Variants in CTNNA3 observed in about 807,000 individuals in gnomAD.
The protein encoded by CTNNA3 is catenin alpha 3.
In CTNNA3, 76 loss-of-function variants were observed where a neutral mutation model predicts 95.7. The observed-to-expected ratio is 0.79, with a 90% confidence interval of 0.66 to 0.96. CTNNA3 has a LOEUF of 0.96. Among genes scored for constraint, CTNNA3 ranks in the 40% least tolerant of loss-of-function variants. The pLI, the probability that CTNNA3 is intolerant of heterozygous loss-of-function variation, is 0.00. For missense variants in CTNNA3, 1,191 were observed against 1,089.8 expected (o/e 1.09, Z -1.31); for synonymous variants, 431 against 374.4 (o/e 1.15, Z -1.74).
At chr10:66,773,218 C>T (rs1474368714) in intron 8 of CTNNA3, among the ~76,000 whole-genome samples, 1 of 152,136 alleles carries the variant, frequency 6.6e-6, no homozygotes. Context: ...TCTAACAATT[C>T]CATCCATTCC....
chr10:66,971,350 C>T lies in CTNNA3; in HGVS notation c.1048-195826G>A, dbSNP rs182117239. ...CTGAGGCAGAAGAATCGCTTGAACC[C>T]GGGAGGCGGAGGTTGCAGTGAGCCG... is the stretch of plus-strand genomic sequence containing the variant. On this transcript the variant is annotated intron_variant, in intron 7 of 17. Coordinates refer to ENST00000433211, the MANE Select transcript of CTNNA3 (RefSeq NM_013266.4). Among the ~76,000 whole-genome samples the T allele has an allele frequency of 1.7e-3, 263 of 152,110 alleles. 2 individuals carry two copies. The highest frequency in any genetic ancestry group is 5.4e-3 in the East Asian group (28 of 5,148).
At chr10:66,079,932 T>C (rs2080689692) in intron 14 of CTNNA3, among the ~76,000 whole-genome samples, 1 of 152,068 alleles carries the variant, frequency 6.6e-6, no homozygotes, top group Admixed American at 6.6e-5. Flanking sequence ...TTTACTAGGT[T>C]TTTAAAAAGG....
intron 13 of CTNNA3, among the ~76,000 whole-genome samples, chr10:66,126,924 C>G (rs1348414064): frequency 6.6e-6 from 1 of 152,060 alleles, no homozygotes; most frequent in Non-Finnish European, 1.5e-5. Context: ...ATAACTTCCA[C>G]TCCTTAACTG....
intron 1 of CTNNA3, among the ~76,000 whole-genome samples, chr10:67,727,395 TATA>T (rs1354038378): frequency 1.5e-5 from 2 of 133,092 alleles, no homozygotes; most frequent in African/African-American, 5.5e-5. Flanking sequence ...ATTATAATTA[TATA>T]ATATGATACG....
chr10:67,244,475 T>C (rs2132339941), intron 5 of CTNNA3, among the ~76,000 whole-genome samples: 1 of 152,306 alleles, frequency 6.6e-6, no homozygotes, highest in Non-Finnish European at 1.5e-5. Flanking sequence ...AGGTTGATAA[T>C]CTTGCTAAAT....
At position 66,677,221 on chromosome 10, in the gene CTNNA3, A is replaced by T. The variant is rs1476419587; in HGVS notation, c.1282-55437T>A. Among the ~76,000 whole-genome samples, 2 of 151,926 alleles carry T rather than the reference A, an allele frequency of 1.3e-5. 1 individual carries two copies. Among genetic ancestry groups the T allele is most frequent in the Non-Finnish European group, 2.9e-5 (2 of 67,980 alleles). On this transcript the variant is annotated intron_variant, in intron 9 of 17. Coordinates refer to ENST00000433211, the MANE Select transcript of CTNNA3 (RefSeq NM_013266.4). ...TCTGGCAGGAAACTCAAATTATAGG[A>T]GAAATTGTTCAGCATATTATTTAAG... is the stretch of plus-strand genomic sequence containing the variant.
chr10:66,691,114 A>C (rs1022963734), intron 9 of CTNNA3, among the ~76,000 whole-genome samples: 2 of 152,168 alleles, frequency 1.3e-5, no homozygotes, highest in Non-Finnish European at 2.9e-5. Context: ...GACGCAGGAC[A>C]GTGGGTGCAG....
At chr10:66,307,678 CTCAT>C (rs562570515) in intron 12 of CTNNA3, among the ~76,000 whole-genome samples, 138 of 152,234 alleles carry the variant, frequency 9.1e-4, no homozygotes, top group Non-Finnish European at 1.5e-3. Context: ...AACTGTGACA[CTCAT>C]TATGAATTTC....
chr10:67,033,455 G>A (rs1447692320), intron 7 of CTNNA3, among the ~76,000 whole-genome samples: 1 of 152,080 alleles, frequency 6.6e-6, no homozygotes, highest in African/African-American at 2.4e-5. Context: ...TCAATACTTG[G>A]TCAGAAAAAA....
rs2132488875 is a variant in CTNNA3 at position 66,379,293 on chromosome 10, C to T, written c.1591G>A (p.Asp531Asn). 6.2e-7 allele frequency: 1 copy of T among 1,614,170 alleles called. No homozygotes were observed. The highest frequency in any genetic ancestry group is 1.1e-5 in the South Asian group (1 of 91,086). The change falls in exon 12 of 18, where the codon GAT (aspartate) becomes AAT (asparagine). Residue 531 changes from aspartate to asparagine, a missense_variant. By Grantham distance (23) the Asp-to-Asn change is conservative. Coordinates refer to ENST00000433211, the MANE Select transcript of CTNNA3 (RefSeq NM_013266.4). ...GCACCCGCAGCACGGTCTAAATTAT[C>T]AGCATCCTGGTCTCTTAAGGCTATG... The part of the protein sequence containing the change: ...CIIALRDQDA[D>N]NLDRAAGAIR...
chr10:67,262,930 C>G (rs1866677284), intron 5 of CTNNA3, among the ~76,000 whole-genome samples: 1 of 152,120 alleles, frequency 6.6e-6, no homozygotes, highest in African/African-American at 2.4e-5. Context: ...TGTTTTCAAT[C>G]AGTCTTCAGT....
At chr10:66,323,207 T>C (rs1437429725) in intron 12 of CTNNA3, among the ~76,000 whole-genome samples, 1 of 152,034 alleles carries the variant, frequency 6.6e-6, no homozygotes, top group East Asian at 1.9e-4. Flanking sequence ...TACAAATTAA[T>C]GTCTCAATAA....
chr10:66,652,984 C>A (rs749851739), intron 9 of CTNNA3, among the ~76,000 whole-genome samples: 9 of 152,038 alleles, frequency 5.9e-5, no homozygotes, highest in Non-Finnish European at 1.0e-4. Flanking sequence ...AAGGAACATA[C>A]CTTAACACAG....
intron 7 of CTNNA3, among the ~76,000 whole-genome samples, chr10:66,851,235 C>T (rs532041264): frequency 2.6e-4 from 40 of 152,094 alleles, no homozygotes; most frequent in Admixed American, 2.2e-3. Context: ...TTTCTTCACT[C>T]ATCTCACCAG....
intron 12 of CTNNA3, among the ~76,000 whole-genome samples, chr10:66,286,123 T>C (rs1359928487): frequency 6.6e-6 from 1 of 151,992 alleles, no homozygotes; most frequent in Non-Finnish European, 1.5e-5. Context: ...TACATATCAG[T>C]AGACTTGCTG....
Position 66,217,515 on chromosome 10 carries a change from T to A in CTNNA3, c.1884+62955A>T, listed in dbSNP as rs545164894. ...TGTATGGGATGGATATTCCAGTTCG[T>A]TTAACCATTCATTTGTTGAAGGACA... On this transcript the variant is annotated intron_variant, in intron 13 of 17. Coordinates refer to ENST00000433211, the MANE Select transcript of CTNNA3 (RefSeq NM_013266.4). Among the ~76,000 whole-genome samples the A allele has an allele frequency of 5.9e-5, 9 of 152,330 alleles. No individual in the cohort carries two copies. In the East Asian group the frequency reaches 1.5e-3, roughly 26 times the overall value.
chr10:66,083,310 CT>C (rs770870670), intron 14 of CTNNA3, among the ~76,000 whole-genome samples: 2 of 152,216 alleles, frequency 1.3e-5, no homozygotes, highest in African/African-American at 2.4e-5. Flanking sequence ...ATCCTGATGT[CT>C]CAATAAAATA....
intron 13 of CTNNA3, among the ~76,000 whole-genome samples, chr10:66,105,680 G>T (rs981561044): frequency 1.3e-5 from 2 of 152,132 alleles, no homozygotes; most frequent in African/African-American, 4.8e-5. Context: ...TTTTCTTTGT[G>T]TTTAACACAG....
intron 7 of CTNNA3, among the ~76,000 whole-genome samples, chr10:66,916,741 C>T (rs1211887561): frequency 6.6e-6 from 1 of 152,050 alleles, no homozygotes; most frequent in Non-Finnish European, 1.5e-5. Flanking sequence ...TAAGGAGGTG[C>T]TGGGGGGAAA....
Sources: allele counts gnomAD v4.1 joint callset (sites outside exome capture counted in the v4.1 genomes callset), GRCh38; gene constraint gnomAD v4.1.1; transcripts MANE v1.5; gene names NCBI Gene and HGNC (gene_info 2026-07-23, HGNC 2026-07-21).